The following JMJD1C variants were observed in gnomAD, a reference collection of about 807,000 sequenced individuals.
JMJD1C encodes the protein jumonji domain containing 1C.
Under a neutral mutation model 245.3 loss-of-function variants are expected in JMJD1C, and 31 were observed. That is an observed-to-expected ratio of 0.13 (90% confidence interval 0.09 to 0.17). The LOEUF (loss-of-function observed/expected upper bound fraction) is 0.17. JMJD1C is among the 10% of genes least tolerant of loss of function. The probability of loss-of-function intolerance (pLI) is 1.00; values close to 1 mark genes in which losing one functional copy is unlikely to be tolerated. For synonymous variants in JMJD1C, 1,057 were observed against 1,017.4 expected (o/e 1.04, Z -0.74); for missense variants, 2,691 against 3,000.2 (o/e 0.90, Z 2.41).
At chr10:63,392,867 AACAC>A (rs34778084) in intron 1 of JMJD1C, among the ~76,000 whole-genome samples, 7,469 of 112,194 alleles carry the variant, frequency 0.067, 266 homozygotes, top group African/African-American at 0.085. Context: ...AAAGTACATA[AACAC>A]ACACACACAC....
rs534673831 is a variant in JMJD1C, at chr10:63,429,774, T to C, written c.168+35721A>G. Reference sequence around the variant, plus strand: ...CTATGCCTCTTATTATAGCACTATATTACTACAAATAAGAAGGTTTATGAT... The same window carrying C: ...CTATGCCTCTTATTATAGCACTATACTACTACAAATAAGAAGGTTTATGAT... On this transcript the variant is annotated intron_variant, in intron 1 of 25. Coordinates refer to ENST00000399262, the MANE Select transcript of JMJD1C (RefSeq NM_032776.3). 7.5e-4 allele frequency among the ~76,000 whole-genome samples: 114 copies of C among 152,306 alleles called. 1 individual carries two copies. Among genetic ancestry groups the C allele is most frequent in the African/African-American group, 2.6e-3 (109 of 41,554 alleles).
intron 2 of JMJD1C, among the ~76,000 whole-genome samples, chr10:63,334,946 G>A (rs1272808245): frequency 1.4e-5 from 2 of 147,632 alleles, no homozygotes; most frequent in African/African-American, 2.5e-5. Context: ...GACCTCAGGT[G>A]ATCCTCCCGC....
At chr10:63,382,289 T>C (rs1947279179) in intron 1 of JMJD1C, among the ~76,000 whole-genome samples, 1 of 152,208 alleles carries the variant, frequency 6.6e-6, no homozygotes, top group Admixed American at 6.5e-5. Context: ...TGTTTCCTTC[T>C]GTCTCTGTCA....
At chr10:63,519,292 A>C (rs1955128507) in intron 1 of JMJD1C, among the ~76,000 whole-genome samples, 2 of 152,252 alleles carry the variant, frequency 1.3e-5, no homozygotes, top group African/African-American at 4.8e-5. Flanking sequence ...TGAAGGCATT[A>C]ATGTACTAGG....
At position 63,408,993 on chromosome 10, in the gene JMJD1C, C is replaced by T. The variant is rs545602702; in HGVS notation, c.169-28511G>A. On this transcript the variant is annotated intron_variant, in intron 1 of 25. Transcript: ENST00000399262. ...GTATCTGATTAATCAGTGGCAAGTA[C>T]ATATCATTAATTCCAAAAAAATAGT... Among the ~76,000 whole-genome samples, 4 of 152,214 alleles carry T rather than the reference C, an allele frequency of 2.6e-5. No individual in the cohort carries two copies. In the East Asian group the frequency reaches 5.8e-4, roughly 22 times the overall value.
intron 1 of JMJD1C, among the ~76,000 whole-genome samples, chr10:63,505,694 G>T (rs1954697165): frequency 6.6e-6 from 1 of 151,956 alleles, no homozygotes; most frequent in African/African-American, 2.4e-5. Flanking sequence ...CATCACAGAA[G>T]ATTTGAGCAT....
intron 2 of JMJD1C, among the ~76,000 whole-genome samples, chr10:63,305,022 C>A (rs954623583): frequency 1.3e-5 from 2 of 152,072 alleles, no homozygotes; most frequent in Admixed American, 1.3e-4. Context: ...GCCTGTAGAC[C>A]CAGTGACTCG....
At chr10:63,189,532 A>G (rs1228444563) in intron 17 of JMJD1C, 86 bp from the exon 18 acceptor site, 1 of 1,110,826 alleles carries the variant, frequency 9.0e-7, no homozygotes, top group East Asian at 2.4e-5. Context: ...TTTTTTTTAA[A>G]CAATATCCCT....
chr10:63,457,466 G>A (rs1952485988), intron 1 of JMJD1C, among the ~76,000 whole-genome samples: 1 of 152,146 alleles, frequency 6.6e-6, no homozygotes, highest in Admixed American at 6.6e-5. Context: ...TTGCAGATTT[G>A]TGAGTAATTA....
intron 2 of JMJD1C, among the ~76,000 whole-genome samples, chr10:63,335,106 G>A (rs1942583545): frequency 6.7e-6 from 1 of 150,260 alleles, no homozygotes; most frequent in African/African-American, 2.4e-5. Context: ...CAGAAAAATG[G>A]AGACACTACC....
chr10:63,221,039 G>A (rs1292603955), intron 3 of JMJD1C, among the ~76,000 whole-genome samples: 1 of 149,506 alleles, frequency 6.7e-6, no homozygotes, highest in African/African-American at 2.5e-5. Context: ...TGAACCGGAA[G>A]GTGGCACTTG....
intron 1 of JMJD1C, among the ~76,000 whole-genome samples, chr10:63,517,198 T>C (rs1430722861): frequency 6.6e-6 from 1 of 152,200 alleles, no homozygotes; most frequent in East Asian, 1.9e-4. Context: ...TCAGACATTA[T>C]CTTTGTACCC....
intron 16 of JMJD1C, among the ~76,000 whole-genome samples, chr10:63,192,179 G>C (rs192686252): frequency 8.7e-5 from 13 of 149,828 alleles, no homozygotes; most frequent in Non-Finnish European, 1.0e-4. Context: ...AGTACTCTGG[G>C]AAGACGAGGT....
intron 3 of JMJD1C, among the ~76,000 whole-genome samples, chr10:63,226,383 A>G (rs1849281423): frequency 6.6e-6 from 1 of 152,128 alleles, no homozygotes; most frequent in Non-Finnish European, 1.5e-5. Context: ...GACTGCTTGG[A>G]TGATCAAAAT....
Position 63,255,124 on chromosome 10 carries a change from T to C in JMJD1C, c.447+9527A>G, listed in dbSNP as rs1162554867. Among the ~76,000 whole-genome samples the C allele has an allele frequency of 3.9e-5, 6 of 152,256 alleles. No homozygotes were observed. The East Asian group carries it at 1.2e-3, about 29-fold the overall frequency. Reference sequence around the variant, plus strand: ...GCCTCCCAAAGTGCTAGGATTACAGTTGTGATCCACCATACCCAACACAGG... The same window carrying C: ...GCCTCCCAAAGTGCTAGGATTACAGCTGTGATCCACCATACCCAACACAGG... On this transcript the variant is annotated intron_variant, in intron 3 of 25. Transcript: ENST00000399262.
At chr10:63,427,669 G>A (rs957111196) in intron 1 of JMJD1C, 158 of 1,301,762 alleles carry the variant, frequency 1.2e-4, no homozygotes, top group Admixed American at 2.5e-4. Flanking sequence ...TGGCTGGACC[G>A]AAATCCGCAG....
chr10:63,388,232 A>T (rs1947783489), intron 1 of JMJD1C, among the ~76,000 whole-genome samples: 1 of 152,152 alleles, frequency 6.6e-6, no homozygotes, highest in Non-Finnish European at 1.5e-5. Flanking sequence ...TTTAAAAAGC[A>T]AGACATAACT....
chr10:63,245,486 T>TTTC (rs1460872614), intron 3 of JMJD1C, among the ~76,000 whole-genome samples: 1 of 138,532 alleles, frequency 7.2e-6, no homozygotes, highest in Non-Finnish European at 1.6e-5. Context: ...CTCTTTTTTT[T>TTTC]TTTTTTTTTT....
In JMJD1C at chr10:63,465,604, C is replaced by T; in HGVS notation, c.59G>A (p.Gly20Asp). 2 of 1,609,858 alleles carry T rather than the reference C, an allele frequency of 1.2e-6. No individual in the cohort carries two copies. The highest frequency in any genetic ancestry group is 1.1e-5 in the South Asian group (1 of 91,080). ...CCAGCGCTCCGAACGTGCCTCGTCGCCGACCGCCACACACAGGAACCGCTT... is the reference window on the plus strand; with the variant it reads ...CCAGCGCTCCGAACGTGCCTCGTCGTCGACCGCCACACACAGGAACCGCTT... ...VGKRFLCVAV[G>D]DEARSERWES... Residue 20 changes from glycine to aspartate, a missense_variant, in exon 1 of 26, where the codon GGC becomes GAC. Gly to Asp is a moderately conservative substitution (Grantham distance 94, BLOSUM62 -1). This residue lies in a region of JMJD1C where 135 missense variants were observed against 115.5 expected (regional missense o/e 1.17). Transcript: ENST00000399262.
Sources: allele counts gnomAD v4.1 joint callset (sites outside exome capture counted in the v4.1 genomes callset), GRCh38; gene constraint gnomAD v4.1.1; regional missense constraint gnomAD v4.1.1; transcripts MANE v1.5; gene names NCBI Gene and HGNC (gene_info 2026-07-23, HGNC 2026-07-21).